The following TMEM131 variants were observed in gnomAD, a reference collection of about 807,000 sequenced individuals.
TMEM131 encodes the protein 2610524E03Rik.
TMEM131 carries 66 observed loss-of-function variants against 211.6 expected under a neutral mutation model. The observed-to-expected ratio is 0.31, with a 90% confidence interval of 0.26 to 0.38. The LOEUF (loss-of-function observed/expected upper bound fraction) is 0.38, where lower values mean the gene tolerates loss of function less well. Ranked by LOEUF, TMEM131 falls within the 10% of genes least tolerant of loss-of-function variation. The pLI is 1.00. For missense variants in TMEM131, 2,036 were observed against 2,299.3 expected (o/e 0.89, Z 2.34); for synonymous variants, 844 against 841.3 (o/e 1.00, Z -0.06).
chr2:97,767,638 G>A (rs1335971034), intron 33 of TMEM131, among the ~76,000 whole-genome samples: 1 of 152,248 alleles, frequency 6.6e-6, no homozygotes, highest in East Asian at 1.9e-4. Context: ...ACAGCTGTCA[G>A]TTCAGGGCTG....
Position 97,811,370 on chromosome 2 carries a change from T to C in TMEM131, c.1864-138A>G, listed in dbSNP as rs1347947676. 4 of 668,742 alleles carry C rather than the reference T, an allele frequency of 6.0e-6. No individual in the cohort carries two copies. In the Admixed American group the frequency reaches 6.4e-5, roughly 11 times the overall value. 41.4% of individuals were successfully genotyped at this position (668,742 alleles called of 1,614,324 possible). A position where few individuals can be genotyped will look rare whatever the true frequency, so the allele number is the denominator to read the frequency against. On this transcript the variant is annotated intron_variant, in intron 17 of 40. Coordinates refer to ENST00000186436, the MANE Select transcript of TMEM131 (RefSeq NM_015348.2). ...GTATGACACTGAATTACCATATCAC[T>C]GTGTACAAATATCTCAAAATAGTGT...
chr2:97,812,621 A>AT lies in TMEM131; in HGVS notation c.1728+17dup. On this transcript the variant is annotated intron_variant, in intron 16 of 40. Coordinates refer to ENST00000186436, the MANE Select transcript of TMEM131 (RefSeq NM_015348.2). ...ATAAAATCCTTAAATGTGATTTAGA[A>AT]TAAAAACAGGTTTTTACCTCAATTG... The AT allele has an allele frequency of 6.3e-7, 1 of 1,581,186 alleles. No homozygotes were observed. Among genetic ancestry groups the AT allele is most frequent in the South Asian group, 1.2e-5 (1 of 85,468 alleles).
At chr2:97,781,767 G>C (rs1160627198) in intron 31 of TMEM131, among the ~76,000 whole-genome samples, 1 of 152,220 alleles carries the variant, frequency 6.6e-6, no homozygotes. Context: ...GGAAAGGCAT[G>C]ATAGTAAGAT....
chr2:97,805,519 A>G (rs1472356039), intron 20 of TMEM131, 32 bp downstream of exon 20: 1 of 1,610,568 alleles, frequency 6.2e-7, no homozygotes, highest in Non-Finnish European at 8.5e-7. Flanking sequence ...AATGTTAACC[A>G]ATGGGAATTC....
chr2:97,973,297 G>A (rs1679388310), intron 1 of TMEM131, among the ~76,000 whole-genome samples: 4 of 152,166 alleles, frequency 2.6e-5, no homozygotes, highest in African/African-American at 9.7e-5. Flanking sequence ...GAAGCAACCA[G>A]AAACTCACAC....
chr2:97,970,090 G>A (rs1487779797), intron 1 of TMEM131, among the ~76,000 whole-genome samples: 2 of 152,168 alleles, frequency 1.3e-5, no homozygotes, highest in African/African-American at 4.8e-5. Context: ...TAAGTACAAA[G>A]CATGAGACAC....
intron 33 of TMEM131, among the ~76,000 whole-genome samples, chr2:97,769,357 C>T (rs972386495): frequency 2.0e-5 from 3 of 152,056 alleles, no homozygotes; most frequent in Non-Finnish European, 2.9e-5. Flanking sequence ...TCTGAGATTT[C>T]GTATTCTTTT....
At chr2:97,940,197 A>C (rs1652439563) in intron 1 of TMEM131, among the ~76,000 whole-genome samples, 2 of 152,168 alleles carry the variant, frequency 1.3e-5, no homozygotes, top group Non-Finnish European at 2.9e-5. Context: ...GAAAGAAATA[A>C]AGGGGTATTC....
intron 31 of TMEM131, among the ~76,000 whole-genome samples, chr2:97,781,063 A>T (rs980865515): frequency 6.6e-6 from 1 of 152,174 alleles, no homozygotes; most frequent in East Asian, 1.9e-4. Flanking sequence ...GAGGTCATGC[A>T]ATCATTCGGG....
intron 1 of TMEM131, among the ~76,000 whole-genome samples, chr2:97,992,368 CT>C (rs1680305181): frequency 1.3e-5 from 2 of 152,106 alleles, no homozygotes; most frequent in African/African-American, 4.8e-5. Flanking sequence ...ACAAATACAG[CT>C]TAAAACAAAA....
chr2:97,963,632 T>C (rs918789266), intron 1 of TMEM131, among the ~76,000 whole-genome samples: 1 of 152,194 alleles, frequency 6.6e-6, no homozygotes, highest in African/African-American at 2.4e-5. Context: ...GGAGAACCGC[T>C]TGAACCAGGG....
At chr2:97,983,941 A>C (rs1679914430) in intron 1 of TMEM131, among the ~76,000 whole-genome samples, 1 of 152,212 alleles carries the variant, frequency 6.6e-6, no homozygotes, top group Non-Finnish European at 1.5e-5. Flanking sequence ...ATAAGAGAAT[A>C]GACTTGTGTT....
intron 1 of TMEM131, among the ~76,000 whole-genome samples, chr2:97,961,201 A>G (rs1476846043): frequency 6.6e-6 from 1 of 152,096 alleles, no homozygotes; most frequent in Non-Finnish European, 1.5e-5. Context: ...AACAAATATC[A>G]ATTACATTTC....
Position 97,915,254 on chromosome 2 carries a change from T to C in TMEM131, c.250-6556A>G, listed in dbSNP as rs187460116. On this transcript the variant is annotated intron_variant, in intron 2 of 40. Transcript: ENST00000186436. Reference sequence around the variant, plus strand: ...CTAGGTCCATTGTCAGGTGTGTGACTTGCAAATATTTTCTCCTAGTCTATA... The same window carrying C: ...CTAGGTCCATTGTCAGGTGTGTGACCTGCAAATATTTTCTCCTAGTCTATA... Among the ~76,000 whole-genome samples the C allele has an allele frequency of 2.0e-5, 3 of 152,362 alleles. No individual in the cohort carries two copies. The East Asian group carries it at 5.8e-4, about 29-fold the overall frequency.
At chr2:97,936,691 T>G (rs189588015) in intron 1 of TMEM131, among the ~76,000 whole-genome samples, 2 of 152,206 alleles carry the variant, frequency 1.3e-5, no homozygotes, top group East Asian at 3.9e-4. Flanking sequence ...CAACAAACCT[T>G]AGGGAGGGGA....
chr2:97,808,568 A>C (rs559899023), intron 19 of TMEM131, among the ~76,000 whole-genome samples: 1 of 152,170 alleles, frequency 6.6e-6, no homozygotes, highest in African/African-American at 2.4e-5. Context: ...ATATAAGCAC[A>C]GTTCAAATGA....
At chr2:97,881,761 C>T (rs923858033) in intron 4 of TMEM131, among the ~76,000 whole-genome samples, 3 of 144,680 alleles carry the variant, frequency 2.1e-5, no homozygotes, top group Non-Finnish European at 3.0e-5. Flanking sequence ...GAATAGGTAG[C>T]TAACAGGTAT....
intron 30 of TMEM131, 73 bp downstream of exon 30, chr2:97,793,322 C>T (rs1680592593): frequency 1.4e-6 from 2 of 1,463,916 alleles, no homozygotes; most frequent in Non-Finnish European, 9.2e-7. Context: ...TGAAAAGAAA[C>T]TTATTTTTTA....
At chr2:97,899,737 C>T (rs1450282811) in intron 3 of TMEM131, among the ~76,000 whole-genome samples, 1 of 152,106 alleles carries the variant, frequency 6.6e-6, no homozygotes. Context: ...ATTTATCCTA[C>T]ACATAAACTT....
Sources: gnomAD v4.1 joint callset for allele counts (sites outside exome capture counted in the v4.1 genomes callset) on GRCh38, gnomAD v4.1.1 for gene constraint, MANE v1.5 for transcripts, NCBI Gene and HGNC (gene_info 2026-07-23, HGNC 2026-07-21) for gene names.